Variants in GPC5 observed in about 807,000 individuals in gnomAD.
GPC5 encodes glypican 5.
GPC5 carries 47 observed loss-of-function variants against 53.9 expected under a neutral mutation model. The ratio of observed to expected loss-of-function variants is 0.87; its 90% confidence interval spans 0.69 to 1.11. The LOEUF (loss-of-function observed/expected upper bound fraction) is 1.11, where lower values mean the gene tolerates loss of function less well. Among genes scored for constraint, GPC5 ranks in the 50% most tolerant of loss-of-function variants. The probability of loss-of-function intolerance (pLI) is 0.00; values close to 1 mark genes in which losing one functional copy is unlikely to be tolerated. For missense variants in GPC5, 748 were observed against 713.1 expected (o/e 1.05, Z -0.56); for synonymous variants, 286 against 263.3 (o/e 1.09, Z -0.84).
chr13:91,403,523 G>A (rs867608205), intron 1 of GPC5, among the ~76,000 whole-genome samples: 5 of 152,174 alleles, frequency 3.3e-5, no homozygotes, highest in Admixed American at 1.3e-4. Context: ...GGTTAAAAGA[G>A]GGGAATGTTT....
intron 7 of GPC5, among the ~76,000 whole-genome samples, chr13:92,256,824 T>C (rs2042729506): frequency 6.6e-6 from 1 of 152,108 alleles, no homozygotes; most frequent in South Asian, 2.1e-4. Context: ...GAATCAAGTT[T>C]GCTTTGTTTG....
At chr13:92,108,689 C>T (rs951240846) in intron 6 of GPC5, among the ~76,000 whole-genome samples, 2 of 152,156 alleles carry the variant, frequency 1.3e-5, no homozygotes, top group African/African-American at 4.8e-5. Context: ...GACAAATTTC[C>T]TGTGGTAGTA....
intron 7 of GPC5, among the ~76,000 whole-genome samples, chr13:92,517,765 C>T (rs1880853367): frequency 6.6e-6 from 1 of 152,158 alleles, no homozygotes. Flanking sequence ...TTCTAAAAAT[C>T]AGAGCACCTC....
intron 6 of GPC5, among the ~76,000 whole-genome samples, chr13:91,997,621 C>T (rs531606302): frequency 1.2e-4 from 19 of 152,124 alleles, no homozygotes; most frequent in African/African-American, 2.7e-4. Flanking sequence ...CAGGTTCCAG[C>T]GATTCTCCTG....
At chr13:92,396,600 A>G (rs1282012952) in intron 7 of GPC5, among the ~76,000 whole-genome samples, 1 of 152,048 alleles carries the variant, frequency 6.6e-6, no homozygotes, top group Non-Finnish European at 1.5e-5. Context: ...AACATGTTCC[A>G]TGGTAGTTTG....
chr13:91,426,767 C>T (rs999032840), intron 1 of GPC5, among the ~76,000 whole-genome samples: 1 of 152,112 alleles, frequency 6.6e-6, no homozygotes, highest in Non-Finnish European at 1.5e-5. Flanking sequence ...TTAGATGGTG[C>T]CCACCAAGAT....
intron 5 of GPC5, among the ~76,000 whole-genome samples, chr13:91,803,777 G>GACACAC (rs200458829): frequency 0.011 from 1,279 of 113,772 alleles, 14 homozygotes; most frequent in African/African-American, 0.031. Context: ...CAGACAGACA[G>GACACAC]ACAGACACAC....
Position 92,156,578 on chromosome 13 carries a change from A to T in GPC5, c.1561+11589A>T, listed in dbSNP as rs2139000042. ...ATTTTGACTGAGTTTTGTTTTATTTAATTGGCAAAAACCATAATTACTTTT... is the reference window on the plus strand; with the variant it reads ...ATTTTGACTGAGTTTTGTTTTATTTTATTGGCAAAAACCATAATTACTTTT... On this transcript the variant is annotated intron_variant, in intron 7 of 7. Coordinates refer to ENST00000377067, the MANE Select transcript of GPC5 (RefSeq NM_004466.6). Among the ~76,000 whole-genome samples the T allele has an allele frequency of 1.3e-5, 2 of 152,140 alleles. 1 individual carries two copies. Among genetic ancestry groups the T allele is most frequent in the Middle Eastern group, 6.8e-3 (2 of 294 alleles).
In GPC5 at chr13:92,691,771, GT is replaced by G. The variant is rs539712882; in HGVS notation, c.1562-174499del. On this transcript the variant is annotated intron_variant, in intron 7 of 7. Transcript: ENST00000377067. ...AATTTTCTATATAGATGGTTTTAGG[GT>G]TTTTTTTTTTTATACCTTAAACTAC... Among the ~76,000 whole-genome samples, 1,015 of 142,662 alleles carry G rather than the reference GT, an allele frequency of 7.1e-3. 1 individual carries two copies. Among genetic ancestry groups the G allele is most frequent in the African/African-American group, 9.3e-3 (365 of 39,132 alleles). The allele number at this position is 142,662 out of a possible 152,430, so 93.6% of individuals were successfully genotyped here. A position where few individuals can be genotyped will look rare whatever the true frequency, so the allele number is the denominator to read the frequency against.
chr13:92,288,844 T>C (rs2042974752), intron 7 of GPC5, among the ~76,000 whole-genome samples: 2 of 152,148 alleles, frequency 1.3e-5, no homozygotes, highest in South Asian at 4.1e-4. Context: ...TTGATAACAG[T>C]TTCCCAAGAC....
chr13:92,045,149 G>A (rs2040971894), intron 6 of GPC5, among the ~76,000 whole-genome samples: 1 of 152,154 alleles, frequency 6.6e-6, no homozygotes, highest in Admixed American at 6.5e-5. Flanking sequence ...TGCTAACAGA[G>A]CAGTTGAATG....
intron 2 of GPC5, among the ~76,000 whole-genome samples, chr13:91,538,641 G>A (rs941540034): frequency 6.8e-5 from 10 of 147,364 alleles, no homozygotes; most frequent in Middle Eastern, 3.7e-3. Context: ...GGAGTGCAGC[G>A]GCATGATCTT....
chr13:92,678,627 T>C (rs1038300879), intron 7 of GPC5, among the ~76,000 whole-genome samples: 7 of 152,144 alleles, frequency 4.6e-5, no homozygotes, highest in Non-Finnish European at 8.8e-5. Context: ...GAGTTTTTAG[T>C]TGTAAGGCAA....
chr13:91,628,118 A>G (rs191038504), intron 2 of GPC5, among the ~76,000 whole-genome samples: 69 of 152,214 alleles, frequency 4.5e-4, no homozygotes, highest in African/African-American at 1.5e-3. Context: ...GAAGTTAACT[A>G]TTTGTTTTGG....
At chr13:91,744,787 A>G (rs986106927) in intron 4 of GPC5, among the ~76,000 whole-genome samples, 6 of 152,246 alleles carry the variant, frequency 3.9e-5, no homozygotes, top group Admixed American at 1.3e-4. Flanking sequence ...TCTTATTGCC[A>G]AAGAGGGGAA....
intron 7 of GPC5, among the ~76,000 whole-genome samples, chr13:92,640,845 T>C (rs1197644346): frequency 2.0e-5 from 3 of 151,970 alleles, no homozygotes; most frequent in African/African-American, 4.8e-5. Flanking sequence ...TTAAATGAAG[T>C]AGGAAATTAT....
Position 92,107,363 on chromosome 13 carries a change from G to A in GPC5, c.1402-37467G>A, listed in dbSNP as rs190614444. 7.9e-5 allele frequency among the ~76,000 whole-genome samples: 12 copies of A among 151,834 alleles called. No individual in the cohort carries two copies. In the East Asian group the frequency reaches 2.1e-3, roughly 27 times the overall value. ...AAATACAAATTATTTCTGAGCTCAT[G>A]TATATTTTTAGGACAGTTTCTTGTG... On this transcript the variant is annotated intron_variant, in intron 6 of 7. Transcript: ENST00000377067.
chr13:91,698,939 G>A (rs1289834256), intron 3 of GPC5, among the ~76,000 whole-genome samples: 1 of 152,142 alleles, frequency 6.6e-6, no homozygotes, highest in African/African-American at 2.4e-5. Flanking sequence ...ACAGGCACAT[G>A]CAAACTATTG....
At chr13:92,747,721 C>T (rs1889273423) in intron 7 of GPC5, among the ~76,000 whole-genome samples, 1 of 152,156 alleles carries the variant, frequency 6.6e-6, no homozygotes, top group Non-Finnish European at 1.5e-5. Context: ...CCATTGAAAA[C>T]ATGTAGATTC....
Sources: allele counts gnomAD v4.1 joint callset (sites outside exome capture counted in the v4.1 genomes callset), GRCh38; gene constraint gnomAD v4.1.1; transcripts MANE v1.5; gene names NCBI Gene and HGNC (gene_info 2026-07-23, HGNC 2026-07-21).